DNAH14: variants seen among roughly 807,000 people sequenced by gnomAD.
The protein encoded by DNAH14 is dynein axonemal heavy chain 14.
Under a neutral mutation model 520.9 loss-of-function variants are expected in DNAH14, and 478 were observed. The observed-to-expected ratio is 0.92, with a 90% CI of 0.85 to 0.99. The LOEUF (loss-of-function observed/expected upper bound fraction) is 0.99, where lower values mean the gene tolerates loss of function less well. Ranked by LOEUF, DNAH14 falls within the 50% of genes least tolerant of loss-of-function variation. The probability of loss-of-function intolerance (pLI) is 0.00; values close to 1 mark genes in which losing one functional copy is unlikely to be tolerated. For synonymous variants in DNAH14, 1,581 were observed against 1,757.2 expected, an observed-to-expected ratio of 0.90 and a Z score of 2.51; for missense variants, 4,831 against 5,234.5, an observed-to-expected ratio of 0.92 and a Z score of 2.38.
intron 19 of DNAH14, among the ~76,000 whole-genome samples, chr1:225,081,863 T>C (rs569138689): frequency 6.6e-6 from 1 of 152,338 alleles, no homozygotes; most frequent in South Asian, 2.1e-4. Context: ...TGCTGGTCTG[T>C]GGCAAAGCTG....
At chr1:224,959,133 G>T (rs1476053622) in intron 3 of DNAH14, among the ~76,000 whole-genome samples, 2 of 152,048 alleles carry the variant, frequency 1.3e-5, no homozygotes, top group African/African-American at 4.8e-5. Context: ...AGAGGTCAGA[G>T]AAATTCTTGG....
In DNAH14 at chr1:225,013,946, C is replaced by G. The variant is rs181868720; in HGVS notation, c.1107+6402C>G. On this transcript the variant is annotated intron_variant, in intron 10 of 85. Coordinates refer to ENST00000682510, the MANE Select transcript of DNAH14 (RefSeq NM_001367479.1). ...CACTTGGCTTCCTGGCTACATCCCC[C>G]TTTCTAGGGGAGTGAATGGTTCTGT... Among the ~76,000 whole-genome samples the G allele has an allele frequency of 9.5e-4, 145 of 152,244 alleles. 3 individuals are homozygous for G. Among genetic ancestry groups the G allele is most frequent in the Middle Eastern group, 3.4e-3 (1 of 294 alleles).
intron 49 of DNAH14, among the ~76,000 whole-genome samples, chr1:225,269,666 A>G (rs944608863): frequency 3.3e-5 from 5 of 152,246 alleles, no homozygotes; most frequent in African/African-American, 1.2e-4. Flanking sequence ...AAAAGTGGGC[A>G]AAGGATATGA....
At chr1:225,180,290 C>T (rs1427168840) in intron 36 of DNAH14, among the ~76,000 whole-genome samples, 1 of 152,184 alleles carries the variant, frequency 6.6e-6, no homozygotes, top group Non-Finnish European at 1.5e-5. Context: ...GAGCATCCTT[C>T]ATTCAATTTC....
intron 41 of DNAH14, among the ~76,000 whole-genome samples, chr1:225,218,319 A>G (rs903527057): frequency 2.0e-5 from 3 of 152,208 alleles, no homozygotes; most frequent in Non-Finnish European, 4.4e-5. Flanking sequence ...TTAACCTTAA[A>G]TGTAAATGGG....
intron 22 of DNAH14, among the ~76,000 whole-genome samples, chr1:225,100,394 A>G (rs546772918): frequency 6.6e-6 from 1 of 152,236 alleles, no homozygotes; most frequent in Admixed American, 6.5e-5. Context: ...ATCGTCAGTA[A>G]CCCTTTGTTT....
intron 36 of DNAH14, among the ~76,000 whole-genome samples, chr1:225,172,889 T>C (rs1018901307): frequency 6.6e-6 from 1 of 152,180 alleles, no homozygotes; most frequent in Non-Finnish European, 1.5e-5. Flanking sequence ...CAAAGCAGCA[T>C]GGTACTGGTA....
intron 11 of DNAH14, among the ~76,000 whole-genome samples, chr1:225,031,760 AGTT>A (rs1553394912): frequency 1.3e-5 from 2 of 151,934 alleles, no homozygotes; most frequent in Non-Finnish European, 2.9e-5. Flanking sequence ...ATACATTTTT[AGTT>A]GTTCATGTAT....
At chr1:225,132,519 TCC>T (rs2078533147) in intron 27 of DNAH14, among the ~76,000 whole-genome samples, 1 of 152,186 alleles carries the variant, frequency 6.6e-6, no homozygotes, top group Non-Finnish European at 1.5e-5. Context: ...GACTCCCAGA[TCC>T]ATCCATGTCC....
At chr1:225,257,606 G>A (rs1360136466) in intron 44 of DNAH14, among the ~76,000 whole-genome samples, 2 of 151,258 alleles carry the variant, frequency 1.3e-5, no homozygotes, top group Admixed American at 1.3e-4. Context: ...CGCAATCTCG[G>A]CTCACTGCAA....
chr1:225,172,201 A>T (rs886497053), intron 36 of DNAH14, among the ~76,000 whole-genome samples: 2 of 152,212 alleles, frequency 1.3e-5, no homozygotes, highest in African/African-American at 4.8e-5. Flanking sequence ...GAAAACTGGC[A>T]CAAGACAGGG....
At chr1:225,132,031 T>C (rs1183232057) in intron 27 of DNAH14, among the ~76,000 whole-genome samples, 3 of 152,072 alleles carry the variant, frequency 2.0e-5, no homozygotes, top group African/African-American at 7.2e-5. Context: ...GTTTCTTTGA[T>C]TTTTCTCCAG....
At chr1:225,388,321 C>A in intron 81 of DNAH14, 58 bp from the exon 82 acceptor site, 1 of 1,033,008 alleles carries the variant, frequency 9.7e-7, no homozygotes, top group Non-Finnish European at 1.4e-6. Flanking sequence ...CAGAAATGTT[C>A]CTAATGACCC....
intron 43 of DNAH14, among the ~76,000 whole-genome samples, chr1:225,246,105 CA>C (rs140007042): frequency 0.015 from 1,139 of 77,710 alleles, 3 homozygotes; most frequent in Non-Finnish European, 0.022. Context: ...ACAAACCTGG[CA>C]AAAAAAAAAA....
chr1:225,389,856 C>A lies in DNAH14; in HGVS notation c.13313C>A (p.Ala4438Asp). ...EGFPSRYWLP[A>D]FFFPQAFLAA... Reference sequence around the variant, plus strand: ...TTTCCTTCAAGATACTGGCTCCCAGCTTTCTTCTTTCCACAAGGTGAGCAT... The same window carrying A: ...TTTCCTTCAAGATACTGGCTCCCAGATTTCTTCTTTCCACAAGGTGAGCAT... Residue 4438 changes from alanine to aspartate, a missense_variant, in exon 83 of 86, where the codon GCT becomes GAT. Coordinates refer to ENST00000682510, the MANE Select transcript of DNAH14 (RefSeq NM_001367479.1). The A allele has an allele frequency of 6.4e-7, 1 of 1,551,686 alleles. No homozygotes were observed. The highest frequency in any genetic ancestry group is 8.7e-7 in the Non-Finnish European group (1 of 1,146,946).
At chr1:225,198,451 T>C (rs1172433504) in intron 38 of DNAH14, among the ~76,000 whole-genome samples, 2 of 152,092 alleles carry the variant, frequency 1.3e-5, no homozygotes, top group Non-Finnish European at 2.9e-5. Flanking sequence ...TCTCCTGACC[T>C]TGTGATCTGC....
In DNAH14 at chr1:225,185,273, C is replaced by A. The variant is rs987549381; in HGVS notation, c.5536-18C>A. ...TAAAATCATTAATGAATGAATAAAT[C>A]TGTAAATTTTGTTTTAGGTTTGTGT... On this transcript the variant is annotated intron_variant, in intron 36 of 85. Coordinates refer to ENST00000682510, the MANE Select transcript of DNAH14 (RefSeq NM_001367479.1). 3.3e-6 allele frequency: 5 copies of A among 1,535,492 alleles called. No individual in the cohort carries two copies. The highest frequency in any genetic ancestry group is 4.4e-6 in the Non-Finnish European group (5 of 1,141,968).
Position 225,141,017 on chromosome 1 carries a change from A to G in DNAH14, c.4504A>G (p.Thr1502Ala). 1 of 1,544,036 alleles carries G rather than the reference A, an allele frequency of 6.5e-7. No homozygotes were observed. The highest frequency in any genetic ancestry group is 1.4e-5 in the African/African-American group (1 of 73,010). ...NIFNAEDFEW[T>A]RHLQYKWNEK... ...CTTCAATGCAGAGGATTTTGAGTGG[A>G]CAAGGTAGGTGGATCTAAATTATAA... Residue 1502 changes from threonine (T) to alanine (A), a missense_variant, in exon 28 of 86, where the codon ACA becomes GCA. Coordinates refer to ENST00000682510, the MANE Select transcript of DNAH14 (RefSeq NM_001367479.1).
In DNAH14 at chr1:225,043,972, A is replaced by G. The variant is rs1353404922; in HGVS notation, c.1901A>G (p.Glu634Gly). 2 of 1,480,354 alleles carry G rather than the reference A, an allele frequency of 1.4e-6. No individual in the cohort carries two copies. Among genetic ancestry groups the G allele is most frequent in the Non-Finnish European group, 1.8e-6 (2 of 1,091,282 alleles). 91.7% of individuals were successfully genotyped at this position (1,480,354 alleles called of 1,614,324 possible). ...ATTCAAAATATGTTGACTAATATGG[A>G]AAAATGTATAAGTAAGTGTTTTTAA... ...VKIQNMLTNMEKCITTITPLC... is the reference protein window; with the variant it reads ...VKIQNMLTNMGKCITTITPLC... The change falls in exon 15 of 86, where the codon GAA becomes GGA. Residue 634 changes from glutamate (E) to glycine (G), a missense_variant. Physicochemically the swap from Glu to Gly is moderately conservative, Grantham distance 98 (BLOSUM62 -2). Transcript: ENST00000682510.
Sources: gnomAD v4.1 joint callset for allele counts (sites outside exome capture counted in the v4.1 genomes callset) on GRCh38, gnomAD v4.1.1 for gene constraint, MANE v1.5 for transcripts, NCBI Gene and HGNC (gene_info 2026-07-23, HGNC 2026-07-21) for gene names.